The following ST6GALNAC3 variants were observed in gnomAD, a reference collection of about 807,000 sequenced individuals.
ST6GALNAC3 encodes the protein alpha-N-acetylgalactosaminide alpha-2,6-sialyltransferase 3.
Under a neutral mutation model 32.7 loss-of-function variants are expected in ST6GALNAC3, and 25 were observed. That is an observed-to-expected ratio of 0.76 (90% CI 0.56 to 1.07). The LOEUF is 1.07. Ranked by LOEUF, ST6GALNAC3 falls within the 50% of genes least tolerant of loss-of-function variation. The probability of loss-of-function intolerance (pLI) is 0.00; values close to 1 mark genes in which losing one functional copy is unlikely to be tolerated. For missense variants in ST6GALNAC3, 355 were observed against 382.4 expected (o/e 0.93, Z 0.60); for synonymous variants, 129 against 133.1 (o/e 0.97, Z 0.21).
intron 2 of ST6GALNAC3, among the ~76,000 whole-genome samples, chr1:76,320,514 C>T (rs1239476337): frequency 6.6e-6 from 1 of 152,072 alleles, no homozygotes; most frequent in African/African-American, 2.4e-5. Flanking sequence ...GACACAACTC[C>T]CCATTTCCAA....
chr1:76,278,512 C>CT (rs986370777), intron 1 of ST6GALNAC3, among the ~76,000 whole-genome samples: 6 of 151,678 alleles, frequency 4.0e-5, no homozygotes, highest in Admixed American at 1.3e-4. Context: ...GCTAGGCATT[C>CT]TTTTTTTTAA....
At chr1:76,309,976 A>G (rs1045849475) in intron 1 of ST6GALNAC3, 4 of 498,748 alleles carry the variant, frequency 8.0e-6, no homozygotes, top group African/African-American at 7.7e-5. Flanking sequence ...TCTCTCACGT[A>G]TGCATACGTA....
At chr1:76,177,788 A>G (rs1652941096) in intron 1 of ST6GALNAC3, among the ~76,000 whole-genome samples, 2 of 152,196 alleles carry the variant, frequency 1.3e-5, no homozygotes, top group Non-Finnish European at 2.9e-5. Flanking sequence ...GATGGTTAAT[A>G]TAGTCTCTGT....
intron 3 of ST6GALNAC3, among the ~76,000 whole-genome samples, chr1:76,569,014 G>A (rs932606044): frequency 7.9e-5 from 12 of 152,092 alleles, no homozygotes; most frequent in African/African-American, 2.7e-4. Flanking sequence ...ACCGAATGGC[G>A]TACAAAACAG....
chr1:76,088,605 C>T (rs1165720726), intron 1 of ST6GALNAC3, among the ~76,000 whole-genome samples: 1 of 152,070 alleles, frequency 6.6e-6, no homozygotes, highest in Non-Finnish European at 1.5e-5. Flanking sequence ...TCCCTGTTCT[C>T]TCCTCAATCA....
intron 2 of ST6GALNAC3, among the ~76,000 whole-genome samples, chr1:76,395,357 T>C (rs1248491950): frequency 6.6e-6 from 1 of 152,162 alleles, no homozygotes; most frequent in Non-Finnish European, 1.5e-5. Flanking sequence ...TGCAAATTAG[T>C]ATAGTCATTA....
At chr1:76,445,623 T>C (rs1656917167) in intron 3 of ST6GALNAC3, among the ~76,000 whole-genome samples, 1 of 152,162 alleles carries the variant, frequency 6.6e-6, no homozygotes, top group Admixed American at 6.5e-5. Flanking sequence ...TTTGTGAAAA[T>C]TCTTTATTTT....
intron 1 of ST6GALNAC3, among the ~76,000 whole-genome samples, chr1:76,118,713 A>G (rs1648652250): frequency 6.6e-6 from 1 of 152,202 alleles, no homozygotes; most frequent in African/African-American, 2.4e-5. Flanking sequence ...GGAAATGCTT[A>G]TATACTCCTT....
At chr1:76,439,056 A>C (rs1056753862) in intron 3 of ST6GALNAC3, among the ~76,000 whole-genome samples, 1 of 152,200 alleles carries the variant, frequency 6.6e-6, no homozygotes, top group Non-Finnish European at 1.5e-5. Context: ...TCTTCTTTGA[A>C]ATAAGGACTC....
At chr1:76,227,586 A>C (rs1656145758) in intron 1 of ST6GALNAC3, among the ~76,000 whole-genome samples, 1 of 152,190 alleles carries the variant, frequency 6.6e-6, no homozygotes, top group Non-Finnish European at 1.5e-5. Context: ...GATAAATGCA[A>C]ATGTGTTATT....
At chr1:76,093,441 A>G (rs1647077840) in intron 1 of ST6GALNAC3, among the ~76,000 whole-genome samples, 1 of 152,214 alleles carries the variant, frequency 6.6e-6, no homozygotes, top group Non-Finnish European at 1.5e-5. Context: ...ATCTATGGCT[A>G]GAGCCTGAAA....
intron 1 of ST6GALNAC3, among the ~76,000 whole-genome samples, chr1:76,252,775 A>G (rs999801052): frequency 3.3e-5 from 5 of 152,170 alleles, no homozygotes; most frequent in African/African-American, 1.2e-4. Flanking sequence ...ATATTAAGAC[A>G]TCTTGATTTA....
At chr1:76,482,770 C>G (rs1220605147) in intron 3 of ST6GALNAC3, among the ~76,000 whole-genome samples, 1 of 152,002 alleles carries the variant, frequency 6.6e-6, no homozygotes, top group African/African-American at 2.4e-5. Flanking sequence ...CACATGTGCA[C>G]AATGTGCAGG....
At chr1:76,513,916 C>T (rs1662020979) in intron 3 of ST6GALNAC3, among the ~76,000 whole-genome samples, 1 of 152,072 alleles carries the variant, frequency 6.6e-6, no homozygotes, top group Non-Finnish European at 1.5e-5. Context: ...TTTTTGGAAA[C>T]TATTGTAAAT....
chr1:76,133,982 T>C (rs1323054162), intron 1 of ST6GALNAC3, among the ~76,000 whole-genome samples: 1 of 152,166 alleles, frequency 6.6e-6, no homozygotes, highest in African/African-American at 2.4e-5. Context: ...CTCCATCTAG[T>C]CATATAGATA....
In ST6GALNAC3 at chr1:76,456,423, T is replaced by C. The variant is rs1311656157; in HGVS notation, c.623+44006T>C. Among the ~76,000 whole-genome samples, 7 of 152,254 alleles carry C rather than the reference T, an allele frequency of 4.6e-5. No individual in the cohort carries two copies. In the East Asian group the frequency reaches 1.4e-3, roughly 29 times the overall value. On this transcript the variant is annotated intron_variant, in intron 3 of 4. Transcript: ENST00000328299. ...GTGCAGTGGTGCAATCTCGGCTCAT[T>C]GTGGCCTCCGCCTCCTGGGTTCAAG...
intron 3 of ST6GALNAC3, among the ~76,000 whole-genome samples, chr1:76,585,363 G>C (rs1287995526): frequency 1.3e-5 from 2 of 150,844 alleles, no homozygotes; most frequent in African/African-American, 2.5e-5. Flanking sequence ...TCCAGTCTGG[G>C]TGACAGAGTG....
chr1:76,296,147 T>A (rs1268050542), intron 1 of ST6GALNAC3, among the ~76,000 whole-genome samples: 1 of 152,088 alleles, frequency 6.6e-6, no homozygotes, highest in Non-Finnish European at 1.5e-5. Flanking sequence ...GAAAGTTTAC[T>A]TGCCTTTGAG....
intron 2 of ST6GALNAC3, among the ~76,000 whole-genome samples, chr1:76,349,963 T>C (rs181552955): frequency 2.6e-5 from 4 of 152,346 alleles, no homozygotes; most frequent in African/African-American, 9.6e-5. Context: ...TAGATGTATT[T>C]AAAGTTTCTA....
Sources: allele counts gnomAD v4.1 joint callset (sites outside exome capture counted in the v4.1 genomes callset), GRCh38; gene constraint gnomAD v4.1.1; transcripts MANE v1.5; gene names NCBI Gene and HGNC (gene_info 2026-07-23, HGNC 2026-07-21).